Variants in COMMD1 observed in about 807,000 individuals in gnomAD.
COMMD1 encodes COMM domain-containing protein 1.
Under a neutral mutation model 17.2 loss-of-function variants are expected in COMMD1, and 10 were observed. The ratio of observed to expected loss-of-function variants is 0.58; its 90% CI spans 0.36 to 0.99. The LOEUF (loss-of-function observed/expected upper bound fraction) is 0.99. COMMD1 is among the 50% of genes least tolerant of loss of function. The pLI is 0.01. For missense variants in COMMD1, 270 were observed against 231.8 expected, an observed-to-expected ratio of 1.17 and a Z score of -1.07; for synonymous variants, 97 against 91.6, an observed-to-expected ratio of 1.06 and a Z score of -0.34.
intron 2 of COMMD1, among the ~76,000 whole-genome samples, chr2:62,023,786 A>G (rs1301859189): frequency 2.6e-5 from 4 of 152,090 alleles, no homozygotes; most frequent in African/African-American, 9.7e-5. Context: ...CGCTTGGCCT[A>G]TTGTGGAATT....
intron 2 of COMMD1, among the ~76,000 whole-genome samples, chr2:62,073,392 A>C (rs1000819389): frequency 3.3e-5 from 5 of 152,106 alleles, no homozygotes; most frequent in Admixed American, 3.3e-4. Flanking sequence ...AAGAACCTTG[A>C]CCTCCACCAT....
chr2:62,036,593 C>T (rs1670045164), intron 2 of COMMD1, among the ~76,000 whole-genome samples: 1 of 152,156 alleles, frequency 6.6e-6, no homozygotes, highest in African/African-American at 2.4e-5. Flanking sequence ...ATAGTGGCTC[C>T]TCTGGAGCTG....
intron 1 of COMMD1, among the ~76,000 whole-genome samples, chr2:61,926,940 G>C (rs963756963): frequency 1.3e-5 from 2 of 152,100 alleles, no homozygotes; most frequent in African/African-American, 4.8e-5. Flanking sequence ...CTAATCTATT[G>C]AGACGTGCCT....
At chr2:61,889,795 A>G (rs951475418) in intron 1 of COMMD1, among the ~76,000 whole-genome samples, 3 of 152,186 alleles carry the variant, frequency 2.0e-5, no homozygotes, top group African/African-American at 7.2e-5. Context: ...TGTCTCCTGC[A>G]TGACGTAGCC....
intron 1 of COMMD1, among the ~76,000 whole-genome samples, chr2:61,919,449 GAGA>G (rs1670130343): frequency 6.6e-6 from 1 of 151,648 alleles, no homozygotes; most frequent in African/African-American, 2.4e-5. Context: ...TCAAGTAGCT[GAGA>G]CTACAGGCAT....
chr2:61,988,908 T>C (rs899750668), intron 1 of COMMD1, among the ~76,000 whole-genome samples: 3 of 152,202 alleles, frequency 2.0e-5, no homozygotes, highest in Non-Finnish European at 4.4e-5. Context: ...GGCTGAGTTC[T>C]GCCTGGTGTT....
intron 2 of COMMD1, among the ~76,000 whole-genome samples, chr2:62,101,742 T>C (rs924783565): frequency 1.3e-5 from 2 of 152,170 alleles, no homozygotes; most frequent in African/African-American, 4.8e-5. Flanking sequence ...TAAAGTTCTT[T>C]ACTTACCAAG....
At position 61,910,321 on chromosome 2, in the gene COMMD1, G is replaced by T. The variant is rs183699136; in HGVS notation, c.180+4463G>T. Among the ~76,000 whole-genome samples, 43 of 151,746 alleles carry T rather than the reference G, an allele frequency of 2.8e-4. No individual in the cohort carries two copies. In the East Asian group the frequency reaches 6.8e-3, roughly 24 times the overall value. ...GCTGGAGTGCGGTGGCTCGATCTTGGCTCACTGCAACCTCTACCTCCTGGG... is the reference window on the plus strand; with the variant it reads ...GCTGGAGTGCGGTGGCTCGATCTTGTCTCACTGCAACCTCTACCTCCTGGG... On this transcript the variant is annotated intron_variant, in intron 1 of 2. Transcript: ENST00000311832.
At chr2:62,012,849 C>A (rs1433146755) in intron 2 of COMMD1, among the ~76,000 whole-genome samples, 1 of 152,040 alleles carries the variant, frequency 6.6e-6, no homozygotes, top group Non-Finnish European at 1.5e-5. Context: ...ATGCCCAGAC[C>A]CCATCTCAAA....
At chr2:61,894,067 A>G (rs1208462529) in intron 1 of COMMD1, among the ~76,000 whole-genome samples, 1 of 152,128 alleles carries the variant, frequency 6.6e-6, no homozygotes, top group Non-Finnish European at 1.5e-5. Flanking sequence ...GCAAAACCCC[A>G]TCATTGTTTT....
intron 2 of COMMD1, among the ~76,000 whole-genome samples, chr2:62,039,568 A>G (rs1244777351): frequency 6.6e-6 from 1 of 152,194 alleles, no homozygotes; most frequent in Non-Finnish European, 1.5e-5. Flanking sequence ...TCATACCACC[A>G]TGGTTGGATA....
chr2:62,094,608 A>G (rs903334488), intron 2 of COMMD1, among the ~76,000 whole-genome samples: 9 of 152,238 alleles, frequency 5.9e-5, no homozygotes, highest in African/African-American at 2.2e-4. Context: ...TTTTTATTCA[A>G]ATTCGGAAGC....
rs532737008 is a variant in COMMD1, at chr2:62,021,646, T to G, written c.462+20664T>G. 2.6e-5 allele frequency among the ~76,000 whole-genome samples: 4 copies of G among 152,330 alleles called. No individual in the cohort carries two copies. In the South Asian group the frequency reaches 8.3e-4, roughly 32 times the overall value. On this transcript the variant is annotated intron_variant, in intron 2 of 2. Transcript: ENST00000311832. ...AATAAACTCTTTGAGTCAAGCAGAT[T>G]AATACCTTTTATATCTTAATGTTTA...
chr2:61,980,718 T>TA (rs1258585206), intron 1 of COMMD1, among the ~76,000 whole-genome samples: 1 of 150,328 alleles, frequency 6.7e-6, no homozygotes, highest in Non-Finnish European at 1.5e-5. Context: ...ACTCTGATGG[T>TA]AGTTTCTTTT....
intron 2 of COMMD1, among the ~76,000 whole-genome samples, chr2:62,098,081 C>A (rs138960465): frequency 0.011 from 1,703 of 151,898 alleles, 34 homozygotes; most frequent in African/African-American, 0.04. Context: ...ACCATGGGAC[C>A]CTTGCAAACT....
chr2:62,049,805 C>T (rs1379577356), intron 2 of COMMD1, among the ~76,000 whole-genome samples: 1 of 151,994 alleles, frequency 6.6e-6, no homozygotes, highest in African/African-American at 2.4e-5. Context: ...TGGTCCATTT[C>T]AATGGAGTGA....
intron 1 of COMMD1, among the ~76,000 whole-genome samples, chr2:61,896,886 C>G (rs1332862386): frequency 1.3e-5 from 2 of 150,010 alleles, no homozygotes; most frequent in Admixed American, 1.3e-4. Context: ...TGCAGTGGCA[C>G]CATCTTGATC....
intron 1 of COMMD1, among the ~76,000 whole-genome samples, chr2:61,970,683 T>C (rs1351505052): frequency 5.3e-5 from 8 of 152,226 alleles, no homozygotes; most frequent in Non-Finnish European, 8.8e-5. Context: ...TATGACTTAC[T>C]AGAAATACCA....
intron 1 of COMMD1, among the ~76,000 whole-genome samples, chr2:61,947,133 C>T (rs1670928407): frequency 6.6e-6 from 1 of 152,000 alleles, no homozygotes; most frequent in South Asian, 2.1e-4. Flanking sequence ...TCAATGTTGT[C>T]AAAAGTAGAT....
Sources: gnomAD v4.1 joint callset for allele counts (sites outside exome capture counted in the v4.1 genomes callset) on GRCh38, gnomAD v4.1.1 for gene constraint, MANE v1.5 for transcripts, NCBI Gene and HGNC (gene_info 2026-07-23, HGNC 2026-07-21) for gene names.